The following CRYZ variants were observed in gnomAD, a reference collection of about 807,000 sequenced individuals.
CRYZ encodes zeta-crystallin.
Under a neutral mutation model 34.1 loss-of-function variants are expected in CRYZ, and 35 were observed. The observed-to-expected ratio is 1.03, with a 90% CI of 0.78 to 1.36. The LOEUF is 1.36. Ranked by LOEUF, CRYZ falls within the 40% of genes most tolerant of loss-of-function variation. The pLI, the probability that CRYZ is intolerant of heterozygous loss-of-function variation, is 0.00. For missense variants in CRYZ, 403 were observed against 391.8 expected (o/e 1.03, Z -0.24); for synonymous variants, 137 against 136.5 (o/e 1.00, Z -0.03).
rs777849852 is a variant in CRYZ at position 74,719,344 on chromosome 1, G to A, written c.293C>T (p.Thr98Met). 6 of 1,611,874 alleles carry A rather than the reference G, an allele frequency of 3.7e-6. No homozygotes were observed. Among genetic ancestry groups the A allele is most frequent in the African/African-American group, 1.3e-5 (1 of 74,884 alleles). Residue 98 changes from threonine (T) to methionine (M), a missense_variant, in exon 4 of 9, where the codon ACG becomes ATG. Thr to Met is a moderately conservative substitution (Grantham distance 81, BLOSUM62 -1). Transcript: ENST00000340866. ...ATACTCTGCATAACCCCCAGAGATCGTGCTGCTAGTGAAAACTCTGTCACC... is the reference window on the plus strand; with the variant it reads ...ATACTCTGCATAACCCCCAGAGATCATGCTGCTAGTGAAAACTCTGTCACC... ...KKGDRVFTSSTISGGYAEYAL... is the reference protein window; with the variant it reads ...KKGDRVFTSSMISGGYAEYAL...
intron 1 of CRYZ, among the ~76,000 whole-genome samples, chr1:74,729,010 T>C (rs1647540253): frequency 6.6e-6 from 1 of 152,200 alleles, no homozygotes; most frequent in South Asian, 2.1e-4. Flanking sequence ...CATTCAGGTC[T>C]TCACTCTAGC....
intron 4 of CRYZ, among the ~76,000 whole-genome samples, chr1:74,716,338 G>A (rs1219149305): frequency 6.6e-6 from 1 of 152,070 alleles, no homozygotes; most frequent in Non-Finnish European, 1.5e-5. Flanking sequence ...CACACATCCC[G>A]TTGTTTGTTT....
At chr1:74,710,343 C>G in intron 5 of CRYZ, 96 bp from the exon 6 acceptor site, 2 of 1,187,426 alleles carry the variant, frequency 1.7e-6, no homozygotes, top group Non-Finnish European at 2.3e-6. Context: ...TAGGACCCAC[C>G]CTAACTTTAA....
At chr1:74,730,675 A>G (rs1122338) in intron 1 of CRYZ, among the ~76,000 whole-genome samples, 31,043 of 152,150 alleles carry the variant, frequency 0.2, 4,426 homozygotes, top group East Asian at 0.71. Flanking sequence ...AGGGTCACAC[A>G]GAAGCAAAGC....
rs200655147 is a variant in CRYZ, at chr1:74,723,222, T to A, written c.160A>T (p.Ile54Phe). The change falls in exon 3 of 9, where the codon ATT becomes TTT. Residue 54 changes from isoleucine to phenylalanine, a missense_variant. By Grantham distance (21) the Ile-to-Phe change is conservative. Transcript: ENST00000340866. ...ACGVNPVETY[I>F]RSGTYSRKPL... ...TTTCTACTATAAGTACCAGAGCGAA[T>A]GTATGTCTCCACGGGGTTGACACCA... 2.2e-5 allele frequency: 36 copies of A among 1,614,048 alleles called. No individual in the cohort carries two copies. The East Asian group carries it at 7.8e-4, about 35-fold the overall frequency.
At chr1:74,727,667 A>C (rs914529174) in intron 1 of CRYZ, among the ~76,000 whole-genome samples, 20 of 148,638 alleles carry the variant, frequency 1.3e-4, no homozygotes, top group Non-Finnish European at 2.4e-4. Flanking sequence ...AAAAAAAAAA[A>C]CCCAACAGAT....
At chr1:74,719,544 G>A (rs1328497016) in intron 3 of CRYZ, among the ~76,000 whole-genome samples, 172 bp from the exon 4 acceptor site, 5 of 151,066 alleles carry the variant, frequency 3.3e-5, no homozygotes, top group Non-Finnish European at 7.4e-5. Context: ...CACCCAGGCT[G>A]GAGTGCAATG....
intron 6 of CRYZ, among the ~76,000 whole-genome samples, chr1:74,709,383 T>C (rs1646971356): frequency 6.6e-6 from 1 of 152,144 alleles, no homozygotes; most frequent in Non-Finnish European, 1.5e-5. Flanking sequence ...AGGAGTGCTT[T>C]TGTTCGGCTT....
intron 4 of CRYZ, among the ~76,000 whole-genome samples, chr1:74,716,037 C>T (rs1014800842): frequency 4.5e-4 from 69 of 151,924 alleles, no homozygotes; most frequent in African/African-American, 1.6e-3. Context: ...GACTGACCTC[C>T]GATGAGCAAG....
intron 3 of CRYZ, 25 bp downstream of exon 3, chr1:74,723,093 A>G: frequency 1.2e-6 from 2 of 1,601,508 alleles, no homozygotes; most frequent in Non-Finnish European, 1.7e-6. Flanking sequence ...TTCAGCCAAA[A>G]TAGAAATAAT....
Position 74,724,852 on chromosome 1 carries a change from T to C in CRYZ, c.-13-18A>G. On this transcript the variant is annotated intron_variant, in intron 1 of 8. Coordinates refer to ENST00000340866, the MANE Select transcript of CRYZ (RefSeq NM_001889.4). ...TCTAGATACTAAGGAAGAAAAAAAA[T>C]TAATGTATTGTCACATTGTATCTAG... 1 of 1,392,890 alleles carries C rather than the reference T, an allele frequency of 7.2e-7. No homozygotes were observed. Among genetic ancestry groups the C allele is most frequent in the East Asian group, 2.3e-5 (1 of 43,630 alleles). The allele number at this position is 1,392,890 out of a possible 1,614,324, so 86.3% of individuals were successfully genotyped here.
At chr1:74,725,565 G>A (rs1015090712) in intron 1 of CRYZ, among the ~76,000 whole-genome samples, 1 of 149,078 alleles carries the variant, frequency 6.7e-6, no homozygotes, top group African/African-American at 2.5e-5. Flanking sequence ...TACAATTCAA[G>A]ATGAGATTTG....
At chr1:74,725,058 C>G (rs963004472) in intron 1 of CRYZ, among the ~76,000 whole-genome samples, 1 of 152,286 alleles carries the variant, frequency 6.6e-6, no homozygotes. Flanking sequence ...GTGCCTTCAA[C>G]AAAGGAATCA....
rs74095153 is a variant in CRYZ, at chr1:74,714,650, T to G, written c.429-20A>C. 1.7e-3 allele frequency: 2,683 copies of G among 1,612,600 alleles called. 47 individuals are homozygous for G. In the African/African-American group the frequency reaches 0.032, roughly 19 times the overall value. ...CAGGCACTGCAAAGGAAAGCATAAG[T>G]TACATCACCTTATTTTTTGAAGCTA... On this transcript the variant is annotated intron_variant, in intron 4 of 8. Coordinates refer to ENST00000340866, the MANE Select transcript of CRYZ (RefSeq NM_001889.4).
At chr1:74,727,281 A>G (rs990306217) in intron 1 of CRYZ, among the ~76,000 whole-genome samples, 14 of 139,148 alleles carry the variant, frequency 1.0e-4, no homozygotes, top group African/African-American at 3.5e-4. Flanking sequence ...AAGAGGTTTA[A>G]GGGATCACAG....
Position 74,719,198 on chromosome 1 carries a change from T to C in CRYZ, c.428+11A>G, listed in dbSNP as rs1434522656. On this transcript the variant is annotated intron_variant, in intron 4 of 8. Coordinates refer to ENST00000340866, the MANE Select transcript of CRYZ (RefSeq NM_001889.4). ...GGCATTGGCCATAAAATTGACAGAATGTGTTATTACCTGTGGATCAGAGCT... is the reference window on the plus strand; with the variant it reads ...GGCATTGGCCATAAAATTGACAGAACGTGTTATTACCTGTGGATCAGAGCT... 1.9e-6 allele frequency: 3 copies of C among 1,610,614 alleles called. No individual in the cohort carries two copies. The highest frequency in any genetic ancestry group is 2.5e-6 in the Non-Finnish European group (3 of 1,177,180).
intron 6 of CRYZ, chr1:74,708,099 T>C (rs766078946): frequency 3.9e-5 from 6 of 152,104 alleles, no homozygotes; most frequent in Non-Finnish European, 5.9e-5. Context: ...TGAGTCAGTC[T>C]GGACCAAAGA....
At chr1:74,724,048 A>G (rs986529807) in intron 2 of CRYZ, among the ~76,000 whole-genome samples, 7 of 152,196 alleles carry the variant, frequency 4.6e-5, no homozygotes, top group Non-Finnish European at 8.8e-5. Flanking sequence ...TGGGTAAAAA[A>G]AAATAGCATG....
At chr1:74,724,889 G>T in intron 1 of CRYZ, 55 bp from the exon 2 acceptor site, 1 of 1,052,556 alleles carries the variant, frequency 9.5e-7, no homozygotes, top group Non-Finnish European at 1.4e-6. Flanking sequence ...ATATCACCAT[G>T]TTTTTCCCCC....
Sources: gnomAD v4.1 joint callset for allele counts (sites outside exome capture counted in the v4.1 genomes callset) on GRCh38, gnomAD v4.1.1 for gene constraint, MANE v1.5 for transcripts, NCBI Gene and HGNC (gene_info 2026-07-23, HGNC 2026-07-21) for gene names.